Variants in ABCB1 observed in about 807,000 individuals in gnomAD.
The protein encoded by ABCB1 is ATP binding cassette subfamily B member 1, also known as ATP-dependent translocase ABCB1.
Under a neutral mutation model 142.0 loss-of-function variants are expected in ABCB1, and 69 were observed. That is an observed-to-expected ratio of 0.49 (90% CI 0.40 to 0.59). ABCB1 has a LOEUF of 0.59. Among genes scored for constraint, ABCB1 ranks in the 20% least tolerant of loss-of-function variants. The pLI is 0.00. For synonymous variants in ABCB1, 532 were observed against 539.2 expected (o/e 0.99, Z 0.18); for missense variants, 1,326 against 1,554.7 (o/e 0.85, Z 2.47).
chr7:87,548,674 G>A (rs891168274), intron 14 of ABCB1, among the ~76,000 whole-genome samples: 2 of 151,978 alleles, frequency 1.3e-5, no homozygotes, highest in African/African-American at 4.8e-5. Context: ...CCACATTCTC[G>A]GTCCTCACAG....
Position 87,636,508 on chromosome 7 carries a change from T to C in ABCB1, c.-330-35430A>G, listed in dbSNP as rs558343626. On this transcript the variant is annotated intron_variant, in intron 1 of 28. Transcript: ENST00000265724. Reference sequence around the variant, plus strand: ...ACATGTAATGCAAATGTCTTCCATTTGGTGGCTTTATTTTTCACTCTGTAG... The same window carrying C: ...ACATGTAATGCAAATGTCTTCCATTCGGTGGCTTTATTTTTCACTCTGTAG... Among the ~76,000 whole-genome samples the C allele has an allele frequency of 1.1e-4, 17 of 152,330 alleles. 1 individual carries two copies. The South Asian group carries it at 2.5e-3, about 22-fold the overall frequency.
intron 1 of ABCB1, among the ~76,000 whole-genome samples, chr7:87,701,305 AGCTG>A: frequency 6.6e-6 from 1 of 152,236 alleles, no homozygotes; most frequent in Admixed American, 6.5e-5. Flanking sequence ...TCAAGGAAAC[AGCTG>A]ACAGTATTTG....
At chr7:87,680,793 C>CA (rs1023955421) in intron 1 of ABCB1, among the ~76,000 whole-genome samples, 15 of 142,222 alleles carry the variant, frequency 1.1e-4, no homozygotes, top group Non-Finnish European at 2.0e-4. Flanking sequence ...AACTCCATCT[C>CA]AAAAAAAAGA....
chr7:87,659,500 A>G (rs1824474712), intron 1 of ABCB1, among the ~76,000 whole-genome samples: 1 of 152,072 alleles, frequency 6.6e-6, no homozygotes, highest in Non-Finnish European at 1.5e-5. Context: ...CTGTGTGTGT[A>G]GCATAGTTGT....
intron 7 of ABCB1, chr7:87,564,021 A>G (rs1438832569): frequency 3.3e-6 from 1 of 307,342 alleles, no homozygotes; most frequent in Admixed American, 4.1e-5. Context: ...TAGAGGGTGG[A>G]GAGTGGGAGG....
chr7:87,635,663 A>G (rs536041478), intron 1 of ABCB1, among the ~76,000 whole-genome samples: 1 of 152,228 alleles, frequency 6.6e-6, no homozygotes, highest in Non-Finnish European at 1.5e-5. Flanking sequence ...TATACGTAGC[A>G]TAACTATGCA....
intron 1 of ABCB1, among the ~76,000 whole-genome samples, chr7:87,707,510 C>CA (rs1174779510): frequency 6.6e-6 from 1 of 151,758 alleles, no homozygotes; most frequent in Non-Finnish European, 1.5e-5. Flanking sequence ...CCAGTCTCCA[C>CA]AAAAAATACA....
chr7:87,608,923 G>T (rs975162229), intron 1 of ABCB1, among the ~76,000 whole-genome samples: 1 of 152,130 alleles, frequency 6.6e-6, no homozygotes, highest in Non-Finnish European at 1.5e-5. Flanking sequence ...TTTTAAATTT[G>T]TATTGGAAAC....
At chr7:87,564,668 T>C (rs184764444) in intron 7 of ABCB1, among the ~76,000 whole-genome samples, 13 of 152,234 alleles carry the variant, frequency 8.5e-5, no homozygotes, top group African/African-American at 2.9e-4. Context: ...ATGATTGACA[T>C]CCAAAGAATT....
intron 23 of ABCB1, chr7:87,519,076 C>T (rs1815372478): frequency 3.6e-6 from 2 of 549,814 alleles, no homozygotes; most frequent in Middle Eastern, 5.0e-4. Flanking sequence ...AATGGAATCA[C>T]TCCACTCAGT....
chr7:87,703,885 CTTT>C lies in ABCB1; in HGVS notation c.-331+9273_-331+9275del. Reference sequence around the variant, plus strand: ...CTTAGGTGAGCTTTATCAGTTTTTTCTTTTTTTTTTTTTTTTTTTTTTTTTTTG... The same window carrying C: ...CTTAGGTGAGCTTTATCAGTTTTTTCTTTTTTTTTTTTTTTTTTTTTTTTG... On this transcript the variant is annotated intron_variant, in intron 1 of 28. Coordinates refer to the ABCB1 transcript ENST00000265724. Among the ~76,000 whole-genome samples, 347 of 60,272 alleles carry C rather than the reference CTTT, an allele frequency of 5.8e-3. 1 individual carries two copies. The highest frequency in any genetic ancestry group is 0.021 in the African/African-American group (333 of 15,980). 39.5% of individuals were successfully genotyped at this position (60,272 alleles called of 152,430 possible). A position where few individuals can be genotyped will look rare whatever the true frequency, so the allele number is the denominator to read the frequency against.
At chr7:87,555,776 T>A (rs980677545) in intron 8 of ABCB1, among the ~76,000 whole-genome samples, 1 of 152,050 alleles carries the variant, frequency 6.6e-6, no homozygotes, top group African/African-American at 2.4e-5. Flanking sequence ...ACTTTATGAG[T>A]TGATCTGAGG....
chr7:87,648,290 T>G (rs1823231016), intron 1 of ABCB1, among the ~76,000 whole-genome samples: 1 of 151,930 alleles, frequency 6.6e-6, no homozygotes, highest in African/African-American at 2.4e-5. Flanking sequence ...ATCATGGGAA[T>G]GTGCACATTT....
chr7:87,614,876 T>A lies in ABCB1; in HGVS notation c.-330-13798A>T, dbSNP rs188476728. On this transcript the variant is annotated intron_variant, in intron 1 of 28. Transcript: ENST00000265724. Reference sequence around the variant, plus strand: ...TGGGGGGGGCCGGGGAACGGAGTCATGCTCTGCTGCCCAGGCTGGAGTGCG... The same window carrying A: ...TGGGGGGGGCCGGGGAACGGAGTCAAGCTCTGCTGCCCAGGCTGGAGTGCG... Among the ~76,000 whole-genome samples the A allele has an allele frequency of 1.1e-3, 173 of 152,036 alleles. 2 individuals carry two copies. The highest frequency in any genetic ancestry group is 4.0e-3 in the African/African-American group (168 of 41,504).
At chr7:87,628,571 T>C in intron 1 of ABCB1, 1 of 315,782 alleles carries the variant, frequency 3.2e-6, no homozygotes, top group Middle Eastern at 8.0e-4. Context: ...AGGGCGGAGG[T>C]GGTGCGTGCG....
chr7:87,712,999 T>C (rs1263803668), intron 1 of ABCB1, among the ~76,000 whole-genome samples: 3 of 152,154 alleles, frequency 2.0e-5, no homozygotes, highest in South Asian at 4.1e-4. Context: ...AAAAAAATCT[T>C]ATTTTTCTCC....
intron 25 of ABCB1, among the ~76,000 whole-genome samples, chr7:87,513,628 A>G (rs1815111785): frequency 6.6e-6 from 1 of 152,098 alleles, no homozygotes; most frequent in Non-Finnish European, 1.5e-5. Context: ...AAAGTGTCCT[A>G]TTTGCTGCAT....
intron 5 of ABCB1, among the ~76,000 whole-genome samples, chr7:87,568,348 A>C (rs972929560): frequency 1.3e-5 from 2 of 150,896 alleles, no homozygotes; most frequent in Non-Finnish European, 2.9e-5. Context: ...TTGAAGGCAG[A>C]AGTTGCAGTG....
At chr7:87,613,188 T>TAGAA (rs1819916310) in intron 1 of ABCB1, among the ~76,000 whole-genome samples, 1 of 151,334 alleles carries the variant, frequency 6.6e-6, no homozygotes, top group South Asian at 2.1e-4. Context: ...TAGGGTTTTC[T>TAGAA]AGGCATAAGA....
Sources: gnomAD v4.1 joint callset for allele counts (sites outside exome capture counted in the v4.1 genomes callset) on GRCh38, gnomAD v4.1.1 for gene constraint, MANE v1.5 for transcripts, NCBI Gene and HGNC (gene_info 2026-07-23, HGNC 2026-07-21) for gene names.